NCAPG: variants seen among roughly 807,000 people sequenced by gnomAD.
The protein encoded by NCAPG is non-SMC condensin I complex subunit G, also known as condensin complex subunit 3.
NCAPG carries 69 observed loss-of-function variants against 113.1 expected under a neutral mutation model. The ratio of observed to expected loss-of-function variants is 0.61; its 90% CI spans 0.50 to 0.75. The LOEUF (loss-of-function observed/expected upper bound fraction) is 0.75, where lower values mean the gene tolerates loss of function less well. Among genes scored for constraint, NCAPG ranks in the 30% least tolerant of loss-of-function variants. The pLI, the probability that NCAPG is intolerant of heterozygous loss-of-function variation, is 0.00. For synonymous variants in NCAPG, 370 were observed against 415.8 expected (o/e 0.89, Z 1.34); for missense variants, 1,058 against 1,177.0 (o/e 0.90, Z 1.48).
Position 17,834,382 on chromosome 4 carries a change from A to G in NCAPG, c.1968A>G (p.Pro656=). Residue 656 remains proline (P), a synonymous_variant, in exon 14 of 21, where the codon CCA becomes CCG. Transcript: ENST00000251496. ...FDQLMTFGIE[P]FKTKKIKTLH... ...AACTGATGACGTTCGGGATTGAACCATTTAAAACTAAAAAAATCAAAACAC... is the reference window on the plus strand; with the variant it reads ...AACTGATGACGTTCGGGATTGAACCGTTTAAAACTAAAAAAATCAAAACAC... 1 of 1,610,848 alleles carries G rather than the reference A, an allele frequency of 6.2e-7. No homozygotes were observed. Among genetic ancestry groups the G allele is most frequent in the Non-Finnish European group, 8.5e-7 (1 of 1,178,292 alleles).
At chr4:17,842,123 A>C (rs1722469215) in intron 19 of NCAPG, 187 bp from the exon 20 acceptor site, 2 of 532,954 alleles carry the variant, frequency 3.8e-6, no homozygotes, top group East Asian at 3.1e-5. Flanking sequence ...ATTAAGTTTT[A>C]ATCTTGCTTG....
chr4:17,815,069 G>A, intron 4 of NCAPG, 71 bp downstream of exon 4: 2 of 1,567,162 alleles, frequency 1.3e-6, no homozygotes, highest in Non-Finnish European at 1.7e-6. Flanking sequence ...AAGTGCCTTT[G>A]AAAAATACTT....
Position 17,812,207 on chromosome 4 carries a change from C to A in NCAPG, c.112-14C>A, listed in dbSNP as rs538709874. ...TATCGGTGCAGTTTATGAAGGGTTT[C>A]TTTTGTCTTTCAGATGGATGATAAG... On this transcript the variant is annotated splice_polypyrimidine_tract_variant and intron_variant, in intron 1 of 20. Transcript: ENST00000251496. 6.2e-7 allele frequency: 1 copy of A among 1,606,844 alleles called. No individual in the cohort carries two copies. The highest frequency in any genetic ancestry group is 1.3e-5 in the African/African-American group (1 of 74,750).
In NCAPG at chr4:17,811,179, C is replaced by G. The variant is rs1228434693; in HGVS notation, c.102C>G (p.Thr34=). Reference sequence around the variant, plus strand: ...AGCTGGTGGTGGCGCTGAGCCGCACCTACCGCACGGTAAGCGCTCCCGGCC... The same window carrying G: ...AGCTGGTGGTGGCGCTGAGCCGCACGTACCGCACGGTAAGCGCTCCCGGCC... The part of the protein sequence containing the change: ...QAKLVVALSR[T]YRTMDDKTVF... Residue 34 remains threonine (T), a synonymous_variant, in exon 1 of 21, where the codon ACC becomes ACG. Coordinates refer to ENST00000251496, the MANE Select transcript of NCAPG (RefSeq NM_022346.5). This position sits in a 1 kb window ranked among gnomAD's most constrained non-coding sequence, Gnocchi z 5.3. 2 of 1,487,348 alleles carry G rather than the reference C, an allele frequency of 1.3e-6. No homozygotes were observed. Among genetic ancestry groups the G allele is most frequent in the Non-Finnish European group, 1.8e-6 (2 of 1,113,876 alleles). 92.1% of individuals were successfully genotyped at this position (1,487,348 alleles called of 1,614,324 possible).
At position 17,836,035 on chromosome 4, in the gene NCAPG, C is replaced by T. The variant is rs1203485505; in HGVS notation, c.2110-1124C>T. Among the ~76,000 whole-genome samples, 7 of 152,318 alleles carry T rather than the reference C, an allele frequency of 4.6e-5. No homozygotes were observed. In the East Asian group the frequency reaches 7.7e-4, roughly 17 times the overall value. ...GTCATTTAACTTTTTGGGAACTTGA[C>T]AAACTGTTTTCCACAGTGATTGAAC... On this transcript the variant is annotated intron_variant, in intron 14 of 20. Transcript: ENST00000251496.
At chr4:17,834,759 C>G (rs1466242894) in intron 14 of NCAPG, among the ~76,000 whole-genome samples, 1 of 152,036 alleles carries the variant, frequency 6.6e-6, no homozygotes, top group African/African-American at 2.4e-5. Flanking sequence ...CTGATAGGTC[C>G]CAGTGTGTGA....
intron 19 of NCAPG, chr4:17,841,598 GA>G (rs1232213927): frequency 6.6e-6 from 1 of 151,854 alleles, no homozygotes; most frequent in Non-Finnish European, 1.5e-5. Context: ...GTTTTGATCA[GA>G]TTTTTTTTGT....
chr4:17,835,458 CTGGGATTACA>C lies in NCAPG; in HGVS notation c.2109+936_2109+945del, dbSNP rs561215163. Among the ~76,000 whole-genome samples the C allele has an allele frequency of 2.4e-3, 367 of 152,270 alleles. 1 individual carries two copies. The highest frequency in any genetic ancestry group is 7.9e-3 in the African/African-American group (328 of 41,568). On this transcript the variant is annotated intron_variant, in intron 14 of 20. Transcript: ENST00000251496. ...CCTCCTGCCTCAGCCTCCCAGAGTG[CTGGGATTACA>C]AGTGTGAGCCCTCGTGCCTGGCCCA...
chr4:17,830,619 C>T (rs1449905977), intron 12 of NCAPG, among the ~76,000 whole-genome samples: 1 of 149,018 alleles, frequency 6.7e-6, no homozygotes, highest in Non-Finnish European at 1.5e-5. Context: ...ATGTGGTACC[C>T]ATTTGTGACT....
chr4:17,831,796 C>T (rs1354438978), intron 13 of NCAPG, among the ~76,000 whole-genome samples: 1 of 152,130 alleles, frequency 6.6e-6, no homozygotes. Context: ...ATGTCCATGT[C>T]TTCTAGGACC....
chr4:17,822,057 A>G (rs1271194241), intron 7 of NCAPG, among the ~76,000 whole-genome samples: 1 of 152,136 alleles, frequency 6.6e-6, no homozygotes, highest in East Asian at 1.9e-4. Context: ...AAGAATAATA[A>G]AAATTTGTGA....
intron 9 of NCAPG, among the ~76,000 whole-genome samples, 167 bp from the exon 10 acceptor site, chr4:17,824,800 GT>G (rs944489106): frequency 6.9e-6 from 1 of 145,860 alleles, no homozygotes; most frequent in Non-Finnish European, 1.5e-5. Flanking sequence ...GTTTTGTTTT[GT>G]TTTTTTCTAA....
Position 17,813,024 on chromosome 4 carries a change from T to C in NCAPG, c.423T>C (p.Asp141=), listed in dbSNP as rs771072389. ...CTCAGATTGATGATGATGTGTTTGATAAAATTAATAAAGCCATGCTTATTA... is the reference window on the plus strand; with the variant it reads ...CTCAGATTGATGATGATGTGTTTGACAAAATTAATAAAGCCATGCTTATTA... The part of the protein sequence containing the change: ...ENAQIDDDVF[D]KINKAMLIRL... Residue 141 remains aspartate (D), a synonymous_variant, in exon 3 of 21, where the codon GAT becomes GAC. Transcript: ENST00000251496. 6 of 1,614,092 alleles carry C rather than the reference T, an allele frequency of 3.7e-6. No homozygotes were observed. The highest frequency in any genetic ancestry group is 5.1e-6 in the Non-Finnish European group (6 of 1,179,958).
chr4:17,830,928 G>A, intron 12 of NCAPG, 69 bp from the exon 13 acceptor site: 1 of 1,479,606 alleles, frequency 6.8e-7, no homozygotes, highest in South Asian at 1.2e-5. Flanking sequence ...TGACACCTTT[G>A]AGGTAATAGA....
intron 13 of NCAPG, among the ~76,000 whole-genome samples, chr4:17,833,810 G>A (rs186351203): frequency 9.9e-5 from 15 of 152,086 alleles, no homozygotes; most frequent in African/African-American, 3.4e-4. Context: ...AATTCATTGA[G>A]CTAATGAGAG....
intron 19 of NCAPG, chr4:17,841,874 C>T (rs956935270): frequency 1.3e-5 from 2 of 155,338 alleles, no homozygotes. Context: ...TGTTTTATCA[C>T]CTTCCAAGAA....
In NCAPG at chr4:17,837,396, C is replaced by A; in HGVS notation, c.2291+56C>A. ...TGACTTGACATCAAATTCAAGTCCC[C>A]CATGAATTATATCTATAATGATATT... On this transcript the variant is annotated intron_variant, in intron 15 of 20. Transcript: ENST00000251496. 5 of 1,450,822 alleles carry A rather than the reference C, an allele frequency of 3.4e-6. No homozygotes were observed. The Admixed American group carries it at 8.2e-5, about 24-fold the overall frequency. The allele number at this position is 1,450,822 out of a possible 1,614,324, so 89.9% of individuals were successfully genotyped here. A position where few individuals can be genotyped will look rare whatever the true frequency, so the allele number is the denominator to read the frequency against.
chr4:17,812,560 GA>G, intron 2 of NCAPG, 136 bp downstream of exon 2: 1 of 676,252 alleles, frequency 1.5e-6, no homozygotes, highest in Non-Finnish European at 2.5e-6. Context: ...CCTTTCATAG[GA>G]AATATTAGAA....
intron 14 of NCAPG, 89 bp from the exon 15 acceptor site, chr4:17,837,070 C>T (rs1422619177): frequency 1.8e-5 from 20 of 1,118,472 alleles, no homozygotes; most frequent in African/African-American, 4.7e-5. Context: ...TTGGATGGTT[C>T]GTGTAAAAAT....
Sources: allele counts gnomAD v4.1 joint callset (sites outside exome capture counted in the v4.1 genomes callset), GRCh38; gene constraint gnomAD v4.1.1; non-coding constraint Gnocchi (gnomAD v3.1); transcripts MANE v1.5; gene names NCBI Gene and HGNC (gene_info 2026-07-23, HGNC 2026-07-21).